The following FLRT1 variants were observed in gnomAD, a reference collection of about 807,000 sequenced individuals.
FLRT1 encodes leucine-rich repeat transmembrane protein FLRT1.
A neutral mutation model predicts 30.9 loss-of-function variants in FLRT1; 14 were observed. The observed-to-expected ratio is 0.45, with a 90% CI of 0.30 to 0.71. FLRT1 has a LOEUF of 0.71. FLRT1 is among the 30% of genes least tolerant of loss of function. FLRT1 has a pLI of 0.08. For synonymous variants in FLRT1, 368 were observed against 430.4 expected, an observed-to-expected ratio of 0.85 and a Z score of 1.80; for missense variants, 737 against 949.2, an observed-to-expected ratio of 0.78 and a Z score of 2.94.
At chr11:64,065,856 T>G (rs1590861008) in intron 1 of FLRT1, among the ~76,000 whole-genome samples, 1 of 145,656 alleles carries the variant, frequency 6.9e-6, no homozygotes, top group Non-Finnish European at 1.5e-5. Flanking sequence ...GGCAGGCAGG[T>G]GGGAGATCGC....
intron 1 of FLRT1, among the ~76,000 whole-genome samples, chr11:64,068,316 T>A (rs1467912305): frequency 2.0e-5 from 3 of 152,190 alleles, no homozygotes; most frequent in Admixed American, 6.5e-5. Flanking sequence ...CCTGTCCCAC[T>A]CTTCCGCCTT....
chr11:64,104,675 G>A (rs1028892978), intron 2 of FLRT1, among the ~76,000 whole-genome samples: 1 of 152,168 alleles, frequency 6.6e-6, no homozygotes, highest in African/African-American at 2.4e-5. Context: ...GGGGACCCAG[G>A]GTGGGTTGAT....
At chr11:64,042,089 G>A (rs140174526) in intron 1 of FLRT1, among the ~76,000 whole-genome samples, 167 of 152,268 alleles carry the variant, frequency 1.1e-3, no homozygotes, top group African/African-American at 3.7e-3. Flanking sequence ...GGAAGGTGGC[G>A]GTGGCCCAGT....
chr11:64,104,077 T>C lies in FLRT1; in HGVS notation c.-154T>C, dbSNP rs638227. The C allele has an allele frequency of 0.47, 71,080 of 152,174 alleles. 17,406 individuals carry two copies. Among genetic ancestry groups the C allele is most frequent in the African/African-American group, 0.61 (25,395 of 41,480 alleles). 9.4% of individuals were successfully genotyped at this position (152,174 alleles called of 1,614,324 possible). A position where few individuals can be genotyped will look rare whatever the true frequency, so the allele number is the denominator to read the frequency against. ...CGGGGCAGGGAATGTGAGCGCCATC[T>C]GAGCTCACGGTGTCCTGAGTCGCGG... On this transcript the variant is annotated 5_prime_UTR_variant, in exon 2 of 3. Coordinates refer to ENST00000682287, the MANE Select transcript of FLRT1 (RefSeq NM_013280.5).
At chr11:64,072,201 C>A (rs1441232490) in intron 1 of FLRT1, among the ~76,000 whole-genome samples, 2 of 152,114 alleles carry the variant, frequency 1.3e-5, no homozygotes, top group African/African-American at 2.4e-5. Flanking sequence ...GCAGGGTCTG[C>A]TTCATCCTCA....
Position 64,067,720 on chromosome 11 carries a change from G to T in FLRT1, c.-1038+31561G>T, listed in dbSNP as rs989435237. The stretch of plus-strand genomic sequence containing the variant: ...TGCAGTGATTGCGGACACGCCCCTC[G>T]CGAGGCACCGCAGGCTGCCACCCCC... On this transcript the variant is annotated intron_variant, in intron 1 of 2. Transcript: ENST00000682287. This position sits in a 1 kb window ranked among gnomAD's most constrained non-coding sequence, Gnocchi z 4.6. 6.6e-6 allele frequency among the ~76,000 whole-genome samples: 1 copy of T among 152,176 alleles called. No individual in the cohort carries two copies. Among genetic ancestry groups the T allele is most frequent in the African/African-American group, 2.4e-5 (1 of 41,440 alleles).
At chr11:64,107,987 A>G (rs1167688256) in intron 2 of FLRT1, among the ~76,000 whole-genome samples, 1 of 152,172 alleles carries the variant, frequency 6.6e-6, no homozygotes, top group Non-Finnish European at 1.5e-5. Context: ...CATTGAAAGT[A>G]ACCTTATTTT....
intron 2 of FLRT1, among the ~76,000 whole-genome samples, chr11:64,109,952 C>T (rs527965020): frequency 1.1e-4 from 16 of 152,124 alleles, no homozygotes; most frequent in African/African-American, 3.6e-4. Flanking sequence ...GAAGCTAGGC[C>T]GTGTGTCTGG....
At chr11:64,107,461 C>T (rs996656768) in intron 2 of FLRT1, among the ~76,000 whole-genome samples, 2 of 151,548 alleles carry the variant, frequency 1.3e-5, no homozygotes, top group Admixed American at 6.6e-5. Context: ...CTCTGAAGTT[C>T]AGGACATCCC....
chr11:64,038,406 G>A (rs976216128), intron 1 of FLRT1, among the ~76,000 whole-genome samples: 4 of 152,216 alleles, frequency 2.6e-5, no homozygotes, highest in Non-Finnish European at 5.9e-5. Flanking sequence ...GTGCACACAT[G>A]AGCAGGTGGC....
At chr11:64,047,503 C>A (rs1943607205) in intron 1 of FLRT1, among the ~76,000 whole-genome samples, 1 of 152,158 alleles carries the variant, frequency 6.6e-6, no homozygotes, top group Non-Finnish European at 1.5e-5. Context: ...CCTGAGCCCT[C>A]CTCACCTGCC....
At chr11:64,072,913 CA>C in intron 1 of FLRT1, among the ~76,000 whole-genome samples, 1 of 152,298 alleles carries the variant, frequency 6.6e-6, no homozygotes, top group African/African-American at 2.4e-5. Flanking sequence ...TCAAAAGAGT[CA>C]GGTTCTCAAG....
At chr11:64,066,751 C>T (rs1305189495) in intron 1 of FLRT1, among the ~76,000 whole-genome samples, 2 of 152,204 alleles carry the variant, frequency 1.3e-5, no homozygotes, top group Non-Finnish European at 2.9e-5. Context: ...TTCCTACCTT[C>T]CAGGCCCTTC....
At chr11:64,095,983 C>CG (rs1202715114) in intron 1 of FLRT1, among the ~76,000 whole-genome samples, 1 of 35,016 alleles carries the variant, frequency 2.9e-5, no homozygotes, top group African/African-American at 5.5e-5. Flanking sequence ...CCCCCACCCC[C>CG]CAGGGGCCCA....
chr11:64,118,059 G>C lies in FLRT1; in HGVS notation c.1792G>C (p.Asp598His). The C allele has an allele frequency of 1.2e-6, 2 of 1,613,590 alleles. No individual in the cohort carries two copies. The highest frequency in any genetic ancestry group is 1.7e-6 in the Non-Finnish European group (2 of 1,179,870). ...CTACAACCGGGGCAGCAGGAAAAAG[G>C]ATGACTATATGGAGTCAGGGACCAA... Reference protein sequence around the residue: ...RAYNRGSRKKDDYMESGTKKD... With the variant: ...RAYNRGSRKKHDYMESGTKKD... Residue 598 changes from aspartate (D) to histidine (H), a missense_variant, in exon 3 of 3, where the codon GAT becomes CAT. Asp to His is a moderately conservative substitution (Grantham distance 81, BLOSUM62 -1). Transcript: ENST00000682287.
At chr11:64,053,541 G>C (rs534535094) in intron 1 of FLRT1, among the ~76,000 whole-genome samples, 17 of 152,246 alleles carry the variant, frequency 1.1e-4, no homozygotes, top group African/African-American at 4.1e-4. Context: ...TGAGGCTGTA[G>C]GGACAACCCT....
intron 1 of FLRT1, among the ~76,000 whole-genome samples, chr11:64,053,860 G>A (rs1295945930): frequency 6.6e-6 from 1 of 152,156 alleles, no homozygotes; most frequent in Non-Finnish European, 1.5e-5. Flanking sequence ...GGGAGTTAGG[G>A]GCAGGGCTAA....
rs375237819 is a variant in FLRT1 at position 64,117,134 on chromosome 11, G to A, written c.867G>A (p.Thr289=). 2.5e-5 allele frequency: 40 copies of A among 1,612,714 alleles called. No homozygotes were observed. Among genetic ancestry groups the A allele is most frequent in the Admixed American group, 8.4e-5 (5 of 59,788 alleles). ...CCATCAGCCACATCCCCTACAACAC[G>A]CTGGCCAAGATGCGTGAGCTGGAGC... ...DNAISHIPYN[T]LAKMRELERL... is the part of the protein sequence containing the mutation. Residue 289 remains threonine, a synonymous_variant, in exon 3 of 3, where the codon ACG becomes ACA. Coordinates refer to ENST00000682287, the MANE Select transcript of FLRT1 (RefSeq NM_013280.5).
intron 1 of FLRT1, among the ~76,000 whole-genome samples, chr11:64,049,883 T>G (rs72918405): frequency 0.047 from 7,180 of 152,278 alleles, 225 homozygotes; most frequent in Non-Finnish European, 0.077. Flanking sequence ...AGCTCTGTTC[T>G]AGAAAGGCTG....
Sources: gnomAD v4.1 joint callset for allele counts (sites outside exome capture counted in the v4.1 genomes callset) on GRCh38, gnomAD v4.1.1 for gene constraint, Gnocchi (gnomAD v3.1) non-coding constraint, MANE v1.5 for transcripts, NCBI Gene and HGNC (gene_info 2026-07-23, HGNC 2026-07-21) for gene names.